The following BCL7C variants were observed in gnomAD, a reference collection of about 807,000 sequenced individuals.
BCL7C encodes BAF chromatin remodeling complex subunit BCL7C.
A neutral mutation model predicts 26.2 loss-of-function variants in BCL7C; 8 were observed. The observed-to-expected ratio is 0.30, with a 90% CI of 0.18 to 0.55. BCL7C has a LOEUF of 0.55. Among genes scored for constraint, BCL7C ranks in the 20% least tolerant of loss-of-function variants. The pLI is 0.93. For missense variants in BCL7C, 262 were observed against 298.5 expected (o/e 0.88, Z 0.90); for synonymous variants, 90 against 116.5 (o/e 0.77, Z 1.47).
At chr16:30,842,136 G>A (rs1046854864) in intron 5 of BCL7C, among the ~76,000 whole-genome samples, 5 of 151,946 alleles carry the variant, frequency 3.3e-5, no homozygotes, top group Non-Finnish European at 7.4e-5. Flanking sequence ...AAGTTGTTAG[G>A]GTGGGCTCTA....
In BCL7C at chr16:30,888,913, C is replaced by T. The variant is rs2055179760; in HGVS notation, c.475G>A (p.Glu159Lys). The T allele has an allele frequency of 1.9e-6, 3 of 1,614,036 alleles. No homozygotes were observed. Among genetic ancestry groups the T allele is most frequent in the South Asian group, 1.1e-5 (1 of 91,080 alleles). Residue 159 changes from glutamate to lysine, a missense_variant, in exon 5 of 6, where the codon GAA becomes AAA. By Grantham distance (56) the Glu-to-Lys change is moderately conservative (BLOSUM62 1). Transcript: ENST00000215115. ...PGGITAGSTD[E>K]PPMLTKEEPV... ...TCCTCCTTGGTCAGCATTGGGGGTT[C>T]GTCGGTGCTGCCAGCAGTTATGCCC...
chr16:30,872,279 G>A (rs879659110), intron 5 of BCL7C, among the ~76,000 whole-genome samples: 4 of 152,148 alleles, frequency 2.6e-5, no homozygotes, highest in Non-Finnish European at 5.9e-5. Flanking sequence ...CCTGAGAGCA[G>A]GTGGCGGCCT....
At chr16:30,851,745 C>T (rs2054676619) in intron 5 of BCL7C, 1 of 543,624 alleles carries the variant, frequency 1.8e-6, no homozygotes, top group Admixed American at 2.5e-5. Context: ...CAAACAGTGA[C>T]CGTGACCTTT....
At chr16:30,855,850 C>T (rs190649330) in intron 5 of BCL7C, among the ~76,000 whole-genome samples, 1 of 149,980 alleles carries the variant, frequency 6.7e-6, no homozygotes, top group African/African-American at 2.4e-5. Context: ...CACCTGAGGT[C>T]GGGAGTTCAA....
intron 5 of BCL7C, among the ~76,000 whole-genome samples, chr16:30,881,213 A>G (rs761598389): frequency 1.3e-5 from 2 of 152,162 alleles, no homozygotes; most frequent in Non-Finnish European, 2.9e-5. Context: ...CCTGACCAAC[A>G]TAGTGAAACA....
chr16:30,871,923 T>C (rs1275089761), intron 5 of BCL7C, among the ~76,000 whole-genome samples: 2 of 152,092 alleles, frequency 1.3e-5, no homozygotes, highest in Non-Finnish European at 2.9e-5. Context: ...TTGGGTCAAG[T>C]TGAATTGCAC....
intron 5 of BCL7C, among the ~76,000 whole-genome samples, chr16:30,874,596 G>A (rs2054919380): frequency 1.3e-5 from 2 of 152,102 alleles, no homozygotes; most frequent in Admixed American, 1.3e-4. Flanking sequence ...TCCAGCCTGG[G>A]GGACAGTGAG....
chr16:30,892,459 A>G, intron 4 of BCL7C, 127 bp downstream of exon 4: 1 of 815,998 alleles, frequency 1.2e-6, no homozygotes, highest in Non-Finnish European at 1.9e-6. Context: ...GAGATTCTGC[A>G]GGAGTCGGAA....
intron 2 of BCL7C, 40 bp from the exon 3 acceptor site, chr16:30,892,988 CCCACCATACACCTAA>C: frequency 6.4e-7 from 1 of 1,570,034 alleles, no homozygotes; most frequent in South Asian, 1.1e-5. Flanking sequence ...CTTGGAAAGC[CCCACCATACACCTAA>C]GGAAACTGAG....
chr16:30,866,869 C>T (rs2054834301), intron 5 of BCL7C, among the ~76,000 whole-genome samples: 1 of 152,050 alleles, frequency 6.6e-6, no homozygotes, highest in Admixed American at 6.6e-5. Flanking sequence ...GTCTGGGCAA[C>T]ATAATGAGAT....
At chr16:30,888,071 C>T (rs1259452988) in intron 5 of BCL7C, 81 bp from the exon 6 acceptor site, 2 of 1,433,414 alleles carry the variant, frequency 1.4e-6, no homozygotes, top group Non-Finnish European at 1.9e-6. Flanking sequence ...TCCAAAGCCT[C>T]CACTCCCCTC....
At chr16:30,864,439 T>C (rs530332186) in intron 5 of BCL7C, among the ~76,000 whole-genome samples, 1 of 152,304 alleles carries the variant, frequency 6.6e-6, no homozygotes, top group East Asian at 1.9e-4. Flanking sequence ...AATAATTCTA[T>C]ATGACAAATG....
chr16:30,866,866 C>T (rs1052260844), intron 5 of BCL7C, among the ~76,000 whole-genome samples: 1 of 152,040 alleles, frequency 6.6e-6, no homozygotes, highest in African/African-American at 2.4e-5. Context: ...CCAGTCTGGG[C>T]AACATAATGA....
At chr16:30,892,805 C>G in intron 3 of BCL7C, 35 bp downstream of exon 3, 1 of 1,613,802 alleles carries the variant, frequency 6.2e-7, no homozygotes, top group Non-Finnish European at 8.5e-7. Flanking sequence ...TCCTTCAGTC[C>G]CCACAGCCCC....
chr16:30,870,334 T>TA (rs2054871834), intron 5 of BCL7C, among the ~76,000 whole-genome samples: 1 of 151,794 alleles, frequency 6.6e-6, no homozygotes, highest in Non-Finnish European at 1.5e-5. Flanking sequence ...CTGAAGTTCC[T>TA]AAAAAAAAGG....
chr16:30,866,422 C>A (rs1460407329), intron 5 of BCL7C, among the ~76,000 whole-genome samples: 1 of 151,796 alleles, frequency 6.6e-6, no homozygotes, highest in African/African-American at 2.4e-5. Flanking sequence ...ACTAAAAATA[C>A]AAAAATTAGC....
At chr16:30,878,034 G>T (rs1366045762) in intron 5 of BCL7C, among the ~76,000 whole-genome samples, 1 of 151,892 alleles carries the variant, frequency 6.6e-6, no homozygotes. Flanking sequence ...AATTAGCCGG[G>T]TGTGGTGGCA....
chr16:30,893,726 C>G lies in BCL7C; in HGVS notation c.92+127G>C, dbSNP rs3794707. 5 of 786,404 alleles carry G rather than the reference C, an allele frequency of 6.4e-6. No individual in the cohort carries two copies. The East Asian group carries it at 1.4e-4, about 22-fold the overall frequency. 48.7% of individuals were successfully genotyped at this position (786,404 alleles called of 1,614,324 possible). On this transcript the variant is annotated intron_variant, in intron 1 of 5. Coordinates refer to ENST00000215115, the MANE Select transcript of BCL7C (RefSeq NM_004765.4). The surrounding 1 kb of genome is among the most constrained non-coding windows in gnomAD (Gnocchi z 5.2). Reference sequence around the variant, plus strand: ...CGAACGGGGACAGAGCCCTGTGGATCCAGGGCAAAGCTAGTGGGTGGAGAT... The same window carrying G: ...CGAACGGGGACAGAGCCCTGTGGATGCAGGGCAAAGCTAGTGGGTGGAGAT...
chr16:30,879,700 A>AAAACAAAAAAAAAC (rs1555482422), intron 5 of BCL7C, among the ~76,000 whole-genome samples: 1 of 135,004 alleles, frequency 7.4e-6, no homozygotes, highest in African/African-American at 2.6e-5. Flanking sequence ...AAAAAAAAAA[A>AAAACAAAAAAAAAC]AAAAAAAAAC....
Sources: allele counts gnomAD v4.1 joint callset (sites outside exome capture counted in the v4.1 genomes callset), GRCh38; gene constraint gnomAD v4.1.1; non-coding constraint Gnocchi (gnomAD v3.1); transcripts MANE v1.5; gene names NCBI Gene and HGNC (gene_info 2026-07-23, HGNC 2026-07-21).